FAM114A1: variants seen among roughly 807,000 people sequenced by gnomAD.
The protein encoded by FAM114A1 is protein NOXP20.
A neutral mutation model predicts 64.3 loss-of-function variants in FAM114A1; 62 were observed. The ratio of observed to expected loss-of-function variants is 0.96; its 90% CI spans 0.79 to 1.19. The LOEUF (loss-of-function observed/expected upper bound fraction) is 1.19, where lower values mean the gene tolerates loss of function less well. Ranked by LOEUF, FAM114A1 falls within the 50% of genes most tolerant of loss-of-function variation. The pLI, the probability that FAM114A1 is intolerant of heterozygous loss-of-function variation, is 0.00. For synonymous variants in FAM114A1, 254 were observed against 251.1 expected (o/e 1.01, Z -0.11); for missense variants, 645 against 676.3 (o/e 0.95, Z 0.51).
At chr4:38,937,829 A>G (rs544335374) in intron 13 of FAM114A1, among the ~76,000 whole-genome samples, 7 of 151,952 alleles carry the variant, frequency 4.6e-5, no homozygotes, top group Non-Finnish European at 8.8e-5. Context: ...CTGCCTCCCA[A>G]GTTCAAGTGA....
intron 12 of FAM114A1, among the ~76,000 whole-genome samples, chr4:38,933,996 T>C (rs1345896583): frequency 6.6e-6 from 1 of 152,198 alleles, no homozygotes; most frequent in Non-Finnish European, 1.5e-5. Context: ...TTTCCATATC[T>C]AAGGATATAA....
intron 8 of FAM114A1, among the ~76,000 whole-genome samples, chr4:38,921,006 G>A (rs779962685): frequency 3.9e-5 from 6 of 152,182 alleles, no homozygotes; most frequent in African/African-American, 9.7e-5. Flanking sequence ...TGGTGTCCTG[G>A]TATCCCAGAT....
chr4:38,888,952 A>G (rs996251570), intron 3 of FAM114A1, among the ~76,000 whole-genome samples: 18 of 152,224 alleles, frequency 1.2e-4, no homozygotes, highest in African/African-American at 4.3e-4. Flanking sequence ...AAATATGTGT[A>G]TTTAATCATT....
In FAM114A1 at chr4:38,908,791, CT is replaced by C. The variant is rs899260910; in HGVS notation, c.792+70del. On this transcript the variant is annotated intron_variant, in intron 7 of 14. Transcript: ENST00000358869. ...TAAAGTAAATAAATTTTTTATTTAT[CT>C]TTTTGAATAGCTCATTTAAAGCATG... 1.9e-5 allele frequency: 26 copies of C among 1,399,204 alleles called. No individual in the cohort carries two copies. The African/African-American group carries it at 3.5e-4, about 19-fold the overall frequency. The allele number at this position is 1,399,204 out of a possible 1,614,324, so 86.7% of individuals were successfully genotyped here.
chr4:38,921,502 T>C (rs941611085), intron 8 of FAM114A1, among the ~76,000 whole-genome samples: 2 of 152,202 alleles, frequency 1.3e-5, no homozygotes, highest in African/African-American at 4.8e-5. Flanking sequence ...GCTCAAGTGA[T>C]CCTCCCGCCT....
chr4:38,896,536 G>A (rs1716957785), intron 4 of FAM114A1, among the ~76,000 whole-genome samples: 1 of 152,224 alleles, frequency 6.6e-6, no homozygotes, highest in African/African-American at 2.4e-5. Context: ...AAAGGTAAGA[G>A]GGATCATAAG....
intron 3 of FAM114A1, among the ~76,000 whole-genome samples, chr4:38,879,801 G>A (rs11942839): frequency 0.28 from 42,162 of 151,792 alleles, 6,207 homozygotes; most frequent in African/African-American, 0.32. Flanking sequence ...AATAATTAAG[G>A]GCCCCTAGAC....
intron 4 of FAM114A1, among the ~76,000 whole-genome samples, chr4:38,898,107 A>G (rs1717124666): frequency 6.6e-6 from 1 of 152,234 alleles, no homozygotes; most frequent in Admixed American, 6.5e-5. Context: ...ATGTATAAGT[A>G]TACAAAAGGA....
At chr4:38,883,472 A>G (rs2109571405) in intron 3 of FAM114A1, among the ~76,000 whole-genome samples, 1 of 152,004 alleles carries the variant, frequency 6.6e-6, no homozygotes, top group East Asian at 1.9e-4. Flanking sequence ...ACACCAAGAA[A>G]GGTTACCCAG....
intron 9 of FAM114A1, 183 bp from the exon 10 acceptor site, chr4:38,929,059 C>T: frequency 1.7e-6 from 1 of 581,074 alleles, no homozygotes; most frequent in Non-Finnish European, 3.1e-6. Context: ...CACCCGGATG[C>T]ATCTGCTGCC....
In FAM114A1 at chr4:38,922,904, ATAACT is replaced by A. The variant is rs1719746769; in HGVS notation, c.1069+15_1069+19del. 5.0e-6 allele frequency: 8 copies of A among 1,601,432 alleles called. No individual in the cohort carries two copies. Among genetic ancestry groups the A allele is most frequent in the South Asian group, 2.3e-5 (2 of 88,234 alleles). On this transcript the variant is annotated intron_variant, in intron 9 of 14. Transcript: ENST00000358869. Reference sequence around the variant, plus strand: ...ATCAAGAAGAACAAGGTAAAGGAAAATAACTTAAATAGCAAGACAAACTGTTGGCA... The same window carrying A: ...ATCAAGAAGAACAAGGTAAAGGAAAATAAATAGCAAGACAAACTGTTGGCA...
intron 3 of FAM114A1, among the ~76,000 whole-genome samples, chr4:38,881,370 T>A (rs1715255937): frequency 6.6e-6 from 1 of 152,156 alleles, no homozygotes; most frequent in African/African-American, 2.4e-5. Flanking sequence ...ACTGACAGCA[T>A]TTCAAGGACC....
At chr4:38,904,871 A>C (rs1445605034) in intron 4 of FAM114A1, among the ~76,000 whole-genome samples, 5 of 152,252 alleles carry the variant, frequency 3.3e-5, no homozygotes, top group Admixed American at 1.3e-4. Flanking sequence ...TGAGCTTAGA[A>C]TTCCAGGTTG....
At chr4:38,938,915 A>G (rs746204616) in intron 13 of FAM114A1, among the ~76,000 whole-genome samples, 2 of 152,172 alleles carry the variant, frequency 1.3e-5, no homozygotes, top group Admixed American at 6.5e-5. Flanking sequence ...TTAAATCTTA[A>G]TTTACCTACT....
rs73148466 is a variant in FAM114A1 at position 38,890,180 on chromosome 4, G to T, written c.349-1563G>T. 5.5e-3 allele frequency among the ~76,000 whole-genome samples: 830 copies of T among 152,142 alleles called. 6 individuals are homozygous for T. Among genetic ancestry groups the T allele is most frequent in the African/African-American group, 0.019 (790 of 41,494 alleles). Reference sequence around the variant, plus strand: ...TAGCACTTTGGGAGGCCAAGGGGGCGGATCATGAGGTCAAGAGATCAAGAC... The same window carrying T: ...TAGCACTTTGGGAGGCCAAGGGGGCTGATCATGAGGTCAAGAGATCAAGAC... On this transcript the variant is annotated intron_variant, in intron 3 of 14. Coordinates refer to ENST00000358869, the MANE Select transcript of FAM114A1 (RefSeq NM_138389.4).
intron 3 of FAM114A1, among the ~76,000 whole-genome samples, chr4:38,883,722 C>T (rs1290536255): frequency 6.6e-6 from 1 of 152,202 alleles, no homozygotes; most frequent in Non-Finnish European, 1.5e-5. Flanking sequence ...CATTTAGCCT[C>T]CTAAACCGGA....
chr4:38,888,948 G>A (rs1001298972), intron 3 of FAM114A1, among the ~76,000 whole-genome samples: 5 of 152,258 alleles, frequency 3.3e-5, no homozygotes, highest in Admixed American at 3.3e-4. Context: ...TATTAAATAT[G>A]TGTATTTAAT....
intron 3 of FAM114A1, among the ~76,000 whole-genome samples, chr4:38,884,353 A>G (rs1715588459): frequency 6.6e-6 from 1 of 152,228 alleles, no homozygotes; most frequent in African/African-American, 2.4e-5. Flanking sequence ...GTTGGTTAAA[A>G]TGGTCTGGAG....
chr4:38,908,375 C>T (rs1718218396), intron 6 of FAM114A1, among the ~76,000 whole-genome samples: 1 of 152,014 alleles, frequency 6.6e-6, no homozygotes, highest in Non-Finnish European at 1.5e-5. Context: ...AAGCATCAGT[C>T]TTTAATAACA....
Sources: gnomAD v4.1 joint callset for allele counts (sites outside exome capture counted in the v4.1 genomes callset) on GRCh38, gnomAD v4.1.1 for gene constraint, MANE v1.5 for transcripts, NCBI Gene and HGNC (gene_info 2026-07-23, HGNC 2026-07-21) for gene names.